Variants in SLIT3 observed in about 807,000 individuals in gnomAD.
The protein encoded by SLIT3 is slit guidance ligand 3, also known as slit homolog 3 protein.
Under a neutral mutation model 184.0 loss-of-function variants are expected in SLIT3, and 68 were observed. That is an observed-to-expected ratio of 0.37 (90% CI 0.30 to 0.45). The LOEUF (loss-of-function observed/expected upper bound fraction) is 0.45, where lower values mean the gene tolerates loss of function less well. Ranked by LOEUF, SLIT3 falls within the 20% of genes least tolerant of loss-of-function variation. SLIT3 has a pLI of 1.00. For missense variants in SLIT3, 1,707 were observed against 2,026.0 expected (o/e 0.84, Z 3.02); for synonymous variants, 831 against 828.6 (o/e 1.00, Z -0.05).
intron 4 of SLIT3, among the ~76,000 whole-genome samples, chr5:169,181,583 T>C (rs1166211974): frequency 6.6e-6 from 1 of 151,754 alleles, no homozygotes. Flanking sequence ...CTACTAAAAA[T>C]ACAAAAAATT....
rs771216451 is a variant in SLIT3, at chr5:169,062,654, T to C, written c.413+130825A>G. Among the ~76,000 whole-genome samples, 12 of 152,362 alleles carry C rather than the reference T, an allele frequency of 7.9e-5. No individual in the cohort carries two copies. In the South Asian group the frequency reaches 1.0e-3, roughly 13 times the overall value. ...CCTATTTTACACTTTGTGGAAACTA[T>C]TTCATTTACTCATGTGTTTGGTTTG... On this transcript the variant is annotated intron_variant, in intron 4 of 35. Coordinates refer to ENST00000519560, the MANE Select transcript of SLIT3 (RefSeq NM_003062.4).
intron 3 of SLIT3, among the ~76,000 whole-genome samples, chr5:169,241,990 T>C (rs1167280389): frequency 6.6e-6 from 1 of 152,224 alleles, no homozygotes; most frequent in African/African-American, 2.4e-5. Context: ...TTCCAGGCTC[T>C]ATCTTAGAAT....
chr5:169,263,538 A>C, intron 1 of SLIT3: 1 of 416,198 alleles, frequency 2.4e-6, no homozygotes, highest in Non-Finnish European at 4.8e-6. Context: ...TCAATTTCAG[A>C]TTGCGAGGCT....
intron 4 of SLIT3, among the ~76,000 whole-genome samples, chr5:169,110,914 T>C (rs1416628622): frequency 6.6e-6 from 1 of 152,190 alleles, no homozygotes; most frequent in Non-Finnish European, 1.5e-5. Flanking sequence ...GCACATCCAG[T>C]GGGTGAAGAC....
chr5:168,704,388 C>G (rs1369182382), intron 26 of SLIT3, among the ~76,000 whole-genome samples: 13 of 152,200 alleles, frequency 8.5e-5, no homozygotes, highest in Non-Finnish European at 8.8e-5. Flanking sequence ...ATCCTTCCAA[C>G]AGCCCTGCAC....
chr5:169,103,070 T>C (rs546186914), intron 4 of SLIT3, among the ~76,000 whole-genome samples: 34 of 152,368 alleles, frequency 2.2e-4, no homozygotes, highest in Non-Finnish European at 2.8e-4. Context: ...ATCCACGCCC[T>C]ACTCATGGTA....
chr5:168,741,552 A>T (rs1763640549), intron 20 of SLIT3, among the ~76,000 whole-genome samples: 1 of 151,720 alleles, frequency 6.6e-6, no homozygotes, highest in African/African-American at 2.4e-5. Context: ...GCTGTGCTTA[A>T]CTCTGGAGGG....
chr5:168,841,679 C>T (rs1046477419), intron 6 of SLIT3, among the ~76,000 whole-genome samples: 3 of 152,072 alleles, frequency 2.0e-5, no homozygotes, highest in Non-Finnish European at 2.9e-5. Context: ...TTGTCAGCCT[C>T]GATGGAAAGA....
chr5:168,681,413 G>C (rs1348080517), intron 32 of SLIT3, among the ~76,000 whole-genome samples: 1 of 152,198 alleles, frequency 6.6e-6, no homozygotes, highest in African/African-American at 2.4e-5. Flanking sequence ...AGGGAAAAGT[G>C]TTTGGAAGCA....
intron 4 of SLIT3, among the ~76,000 whole-genome samples, chr5:168,956,737 G>A (rs1762839971): frequency 6.6e-6 from 1 of 152,054 alleles, no homozygotes; most frequent in Admixed American, 6.6e-5. Context: ...AGGTTGCAGT[G>A]AGCCGAGATA....
intron 4 of SLIT3, among the ~76,000 whole-genome samples, chr5:169,086,215 G>C (rs563397642): frequency 3.0e-4 from 45 of 152,280 alleles, no homozygotes; most frequent in African/African-American, 1.0e-3. Flanking sequence ...TTTTACATAT[G>C]AACAAAATAT....
intron 4 of SLIT3, among the ~76,000 whole-genome samples, chr5:169,069,960 T>TGC (rs1758485415): frequency 6.6e-6 from 1 of 152,152 alleles, no homozygotes; most frequent in Non-Finnish European, 1.5e-5. Context: ...TCAGAAAGGT[T>TGC]ACTCCACGTG....
At chr5:169,247,459 TG>T (rs891430962) in intron 2 of SLIT3, among the ~76,000 whole-genome samples, 1 of 152,160 alleles carries the variant, frequency 6.6e-6, no homozygotes, top group Non-Finnish European at 1.5e-5. Context: ...TCTAGGGTAT[TG>T]TAAGTACCAC....
At chr5:169,034,746 A>ATTT (rs60312988) in intron 4 of SLIT3, among the ~76,000 whole-genome samples, 5 of 142,262 alleles carry the variant, frequency 3.5e-5, no homozygotes, top group Admixed American at 7.0e-5. Context: ...ATTTCCTATG[A>ATTT]TTTTTTTTTT....
At chr5:169,206,123 C>A (rs1764058697) in intron 3 of SLIT3, among the ~76,000 whole-genome samples, 1 of 152,184 alleles carries the variant, frequency 6.6e-6, no homozygotes, top group African/African-American at 2.4e-5. Context: ...ATAAATATGG[C>A]AGGGCTATGT....
chr5:169,083,107 C>T (rs758155595), intron 4 of SLIT3, among the ~76,000 whole-genome samples: 8 of 152,282 alleles, frequency 5.3e-5, no homozygotes, highest in South Asian at 4.1e-4. Flanking sequence ...AACACAGTTT[C>T]GGAACTAACT....
At chr5:168,745,620 C>G (rs1257240853) in intron 20 of SLIT3, among the ~76,000 whole-genome samples, 26 of 152,162 alleles carry the variant, frequency 1.7e-4, no homozygotes, top group Admixed American at 1.7e-3. Flanking sequence ...CCATGTTGGC[C>G]AGGCTGGTCT....
At position 169,147,331 on chromosome 5, in the gene SLIT3, C is replaced by T. The variant is rs12108865; in HGVS notation, c.413+46148G>A. Among the ~76,000 whole-genome samples the T allele has an allele frequency of 9.7e-3, 1,480 of 152,308 alleles. 24 individuals are homozygous for T. Among genetic ancestry groups the T allele is most frequent in the African/African-American group, 0.034 (1,408 of 41,564 alleles). ...TTGCCCAGGCTGGAGTGCAATGGCA[C>T]GATATCAGCTCACTGCAACCTCCAC... On this transcript the variant is annotated intron_variant, in intron 4 of 35. Transcript: ENST00000519560.
At chr5:169,003,965 C>T (rs977695420) in intron 4 of SLIT3, among the ~76,000 whole-genome samples, 3 of 152,042 alleles carry the variant, frequency 2.0e-5, no homozygotes, top group Admixed American at 1.3e-4. Flanking sequence ...CATAAAAAAC[C>T]CAGGCCCCTG....
Sources: allele counts gnomAD v4.1 joint callset (sites outside exome capture counted in the v4.1 genomes callset), GRCh38; gene constraint gnomAD v4.1.1; transcripts MANE v1.5; gene names NCBI Gene and HGNC (gene_info 2026-07-23, HGNC 2026-07-21).